ZNF594: variants seen among roughly 807,000 people sequenced by gnomAD.
The protein encoded by ZNF594 is zinc finger protein HZF18.
For missense variants in ZNF594, 1,037 were observed against 964.6 expected (o/e 1.08, Z -0.99); for synonymous variants, 336 against 309.4 (o/e 1.09, Z -0.90).
intron 1 of ZNF594, 124 bp from the exon 2 acceptor site, chr17:5,184,400 G>A (rs2074373046): frequency 1.0e-6 from 1 of 1,001,014 alleles, no homozygotes; most frequent in Non-Finnish European, 1.4e-6. Flanking sequence ...AAGCTGAGAT[G>A]TGGCTTTCAC....
intron 1 of ZNF594, among the ~76,000 whole-genome samples, chr17:5,186,689 T>G (rs1449421295): frequency 1.3e-5 from 2 of 152,260 alleles, no homozygotes; most frequent in Non-Finnish European, 2.9e-5. Flanking sequence ...TGAATCCATT[T>G]AACAGGACCC....
At chr17:5,176,952 T>C (rs2074312060), downstream of ZNF594, among the ~76,000 whole-genome samples, 1 of 151,964 alleles carries the variant, frequency 6.6e-6, no homozygotes, top group Non-Finnish European at 1.5e-5. Context: ...TCCCAGCACT[T>C]TGAGAGGCCG....
intron 1 of ZNF594, among the ~76,000 whole-genome samples, chr17:5,187,667 C>G (rs1260239725): frequency 6.6e-6 from 1 of 152,092 alleles, no homozygotes; most frequent in Non-Finnish European, 1.5e-5. Flanking sequence ...CTCTCAGTGC[C>G]CTAGCTTCGT....
chr17:5,181,397 A>G lies in ZNF594; in HGVS notation c.*436T>C. On this transcript the variant is annotated 3_prime_UTR_variant, in exon 2 of 2. Coordinates refer to ENST00000575779, the MANE Select transcript of ZNF594 (RefSeq NM_032530.2). Reference sequence around the variant, plus strand: ...AAGCCCTACCACACTGATTACACCAATAAGCTTTCTCTTCTTGGTGAATTT... The same window carrying G: ...AAGCCCTACCACACTGATTACACCAGTAAGCTTTCTCTTCTTGGTGAATTT... 7 of 1,613,160 alleles carry G rather than the reference A, an allele frequency of 4.3e-6. No homozygotes were observed. Among genetic ancestry groups the G allele is most frequent in the Non-Finnish European group, 5.1e-6 (6 of 1,179,228 alleles).
At chr17:5,189,779 A>G (rs775236967) in intron 1 of ZNF594, among the ~76,000 whole-genome samples, 1 of 152,228 alleles carries the variant, frequency 6.6e-6, no homozygotes, top group Non-Finnish European at 1.5e-5. Flanking sequence ...CAGCCTCCCA[A>G]AGTGCTGAGA....
chr17:5,183,612 C>T lies in ZNF594; in HGVS notation c.645G>A (p.Glu215=), dbSNP rs1314757776. 4 of 1,614,084 alleles carry T rather than the reference C, an allele frequency of 2.5e-6. No individual in the cohort carries two copies. Among genetic ancestry groups the T allele is most frequent in the Non-Finnish European group, 3.4e-6 (4 of 1,180,040 alleles). Residue 215 remains glutamate, a synonymous_variant, in exon 2 of 2, where the codon GAG becomes GAA. Transcript: ENST00000575779. The part of the protein sequence containing the change: ...HSGGNPYECK[E]CGKAFKGSSN... ...AGCTTCCCTTAAAAGCCTTCCCACA[C>T]TCTTTGCACTCATAGGGATTCCCAC...
At chr17:5,184,463 G>GA in intron 1 of ZNF594, 187 bp from the exon 2 acceptor site, 1 of 605,550 alleles carries the variant, frequency 1.7e-6, no homozygotes. Context: ...CCCTGTTGGT[G>GA]AAAAAACCCG....
In ZNF594 at chr17:5,183,743, TA is replaced by T. The variant is rs1298184868; in HGVS notation, c.513del (p.Ile172TyrfsTer28). The T allele has an allele frequency of 5.7e-6, 9 of 1,577,518 alleles. No individual in the cohort carries two copies. The highest frequency in any genetic ancestry group is 3.4e-5 in the Admixed American group (2 of 58,088). On this transcript the variant is annotated frameshift_variant, in exon 2 of 2. Coordinates refer to ENST00000575779, the MANE Select transcript of ZNF594 (RefSeq NM_032530.2). LOFTEE classifies it low-confidence loss of function (END_TRUNC). ...GKDSNQSSNL[I>X]IHQRIHTGKK... ...TTTCCTGTATGAATTCTCTGATGTA[TA>T]ATAAGATTTGAACTTTGATTAGAGT...
chr17:5,174,884 ATGTAC>A (rs2074292576), downstream of ZNF594: 1 of 191,130 alleles, frequency 5.2e-6, no homozygotes, highest in South Asian at 1.9e-4. Flanking sequence ...AATAGTGTTG[ATGTAC>A]TGAAATATGA....
At position 5,181,619 on chromosome 17, in the gene ZNF594, T is replaced by C. The variant is rs1266989941; in HGVS notation, c.*214A>G. ...TAAGGAGTGAACGCCGCCTGAAGGCTTTTTCACATTCAGTGCACTGATAGG... is the reference window on the plus strand; with the variant it reads ...TAAGGAGTGAACGCCGCCTGAAGGCCTTTTCACATTCAGTGCACTGATAGG... On this transcript the variant is annotated 3_prime_UTR_variant, in exon 2 of 2. Transcript: ENST00000575779. The C allele has an allele frequency of 7.5e-6, 12 of 1,600,082 alleles. No homozygotes were observed. In the South Asian group the frequency reaches 1.3e-4, roughly 18 times the overall value.
In ZNF594 at chr17:5,181,982, T is replaced by A. The variant is rs1215285244; in HGVS notation, c.2275A>T (p.Lys759Ter). The A allele has an allele frequency of 1.9e-6, 3 of 1,613,672 alleles. No individual in the cohort carries two copies. Among genetic ancestry groups the A allele is most frequent in the Non-Finnish European group, 2.5e-6 (3 of 1,179,990 alleles). Residue 759 changes from lysine to a stop codon, truncating the protein, a stop_gained, in exon 2 of 2, where the codon AAA (lysine) becomes TAA (stop). Coordinates refer to ENST00000575779, the MANE Select transcript of ZNF594 (RefSeq NM_032530.2). LOFTEE classifies it low-confidence loss of function (END_TRUNC). ...CTACACTGATTACACCAATAAACTT[T>A]CTTTTCCTGGTGAGTTCTCTGCTCT... ...RKEQRTHQEKKVYWCNQCSRT... is the reference protein window; with the variant it reads ...RKEQRTHQEK
chr17:5,186,116 C>T (rs551643237), intron 1 of ZNF594, among the ~76,000 whole-genome samples: 1 of 152,352 alleles, frequency 6.6e-6, no homozygotes, highest in East Asian at 1.9e-4. Context: ...CATATGGTGG[C>T]TTCGACCCCA....
chr17:5,183,421 C>G lies in ZNF594; in HGVS notation c.836G>C (p.Ser279Thr). Residue 279 changes from serine (S) to threonine (T), a missense_variant, in exon 2 of 2, where the codon AGT becomes ACT. Ser to Thr is a moderately conservative substitution (Grantham distance 58). Coordinates refer to ENST00000575779, the MANE Select transcript of ZNF594 (RefSeq NM_032530.2). Reference protein sequence around the residue: ...CYDCGQMFSQSSHLVPHQRIH... With the variant: ...CYDCGQMFSQTSHLVPHQRIH... ...TCTCTGATGTGGGACAAGGTGTGAA[C>G]TTTGACTGAACATCTGTCCACAGTC... is the stretch of plus-strand genomic sequence containing the variant. 1.9e-6 allele frequency: 3 copies of G among 1,613,832 alleles called. No individual in the cohort carries two copies. Among genetic ancestry groups the G allele is most frequent in the Non-Finnish European group, 2.5e-6 (3 of 1,180,026 alleles).
chr17:5,186,414 C>G (rs1171815416), intron 1 of ZNF594, among the ~76,000 whole-genome samples: 1 of 152,230 alleles, frequency 6.6e-6, no homozygotes, highest in South Asian at 2.1e-4. Context: ...AGGCTGGACA[C>G]AGCATTGGGA....
chr17:5,182,549 A>G lies in ZNF594; in HGVS notation c.1708T>C (p.Cys570Arg). ...TGGAAAGCCCTACCACACTGATTAC[A>G]CCAATAAGCTTTCGCTTCCTGGTGA... ...KIHQEAKAYW[C>R]NQCGRAFQGS... The change falls in exon 2 of 2, where the codon TGT becomes CGT. Residue 570 changes from cysteine to arginine, a missense_variant. Physicochemically the swap from Cys to Arg is radical, Grantham distance 180. Coordinates refer to ENST00000575779, the MANE Select transcript of ZNF594 (RefSeq NM_032530.2). 6.2e-7 allele frequency: 1 copy of G among 1,613,826 alleles called. No individual in the cohort carries two copies. The highest frequency in any genetic ancestry group is 8.5e-7 in the Non-Finnish European group (1 of 1,179,970).
chr17:5,182,308 T>C lies in ZNF594; in HGVS notation c.1949A>G (p.Lys650Arg). The C allele has an allele frequency of 6.2e-7, 1 of 1,613,576 alleles. No homozygotes were observed. The highest frequency in any genetic ancestry group is 8.5e-7 in the Non-Finnish European group (1 of 1,179,982). Reference sequence around the variant, plus strand: ...CCCACATTCACTACATTCATAGGGTTTCTCTCCAGTATGAATACGATGGTG... The same window carrying C: ...CCCACATTCACTACATTCATAGGGTCTCTCTCCAGTATGAATACGATGGTG... ...IKHHRIHTGEKPYECSECGKA... is the reference protein window; with the variant it reads ...IKHHRIHTGERPYECSECGKA... Residue 650 changes from lysine (K) to arginine (R), a missense_variant, in exon 2 of 2, where the codon AAA (lysine) becomes AGA (arginine). Coordinates refer to ENST00000575779, the MANE Select transcript of ZNF594 (RefSeq NM_032530.2).
At chr17:5,191,416 A>G (rs2074423394) in intron 1 of ZNF594, 1 of 152,100 alleles carries the variant, frequency 6.6e-6, no homozygotes, top group South Asian at 2.1e-4. Context: ...AGATTTGGTT[A>G]CATATACAAA....
In ZNF594 at chr17:5,184,227, A is replaced by T. The variant is rs369192206; in HGVS notation, c.30T>A (p.Ile10=). 200 of 1,612,870 alleles carry T rather than the reference A, an allele frequency of 1.2e-4. No individual in the cohort carries two copies. Among genetic ancestry groups the T allele is most frequent in the Non-Finnish European group, 1.7e-4 (197 of 1,179,756 alleles). ...CCCTTGCTGACTTCTTTTCTTCAGA[A>T]ATTTCCATCTTTGATTTCCATTCCT... MKEWKSKME[I]SEEKKSARAA... Residue 10 remains isoleucine, a synonymous_variant, in exon 2 of 2, where the codon ATT becomes ATA. Coordinates refer to ENST00000575779, the MANE Select transcript of ZNF594 (RefSeq NM_032530.2).
At chr17:5,175,778 C>G (rs1598121478), downstream of ZNF594, among the ~76,000 whole-genome samples, 1 of 151,674 alleles carries the variant, frequency 6.6e-6, no homozygotes, top group African/African-American at 2.4e-5. Context: ...CCCTTGTTGT[C>G]TGTCTGGGAG....
Sources: gnomAD v4.1 joint callset for allele counts (sites outside exome capture counted in the v4.1 genomes callset) on GRCh38, gnomAD v4.1.1 for gene constraint, MANE v1.5 for transcripts, NCBI Gene and HGNC (gene_info 2026-07-23, HGNC 2026-07-21) for gene names.